Variants in KPNA1 observed in about 807,000 individuals in gnomAD.
The protein encoded by KPNA1 is karyopherin subunit alpha 1, also known as importin subunit alpha-5.
In KPNA1, 10 loss-of-function variants were observed where a neutral mutation model predicts 70.5. The observed-to-expected ratio is 0.14, with a 90% CI of 0.09 to 0.24. The LOEUF is 0.24. Among genes scored for constraint, KPNA1 ranks in the 10% least tolerant of loss-of-function variants. The probability of loss-of-function intolerance (pLI) is 1.00; values close to 1 mark genes in which losing one functional copy is unlikely to be tolerated. For missense variants in KPNA1, 397 were observed against 637.9 expected, an observed-to-expected ratio of 0.62 and a Z score of 4.07; for synonymous variants, 192 against 221.9, an observed-to-expected ratio of 0.87 and a Z score of 1.20.
At chr3:122,502,978 G>A (rs1400470822) in intron 1 of KPNA1, among the ~76,000 whole-genome samples, 2 of 152,000 alleles carry the variant, frequency 1.3e-5, no homozygotes, top group African/African-American at 4.8e-5. Context: ...GGCACCTGTG[G>A]TCCCAGCTAC....
intron 1 of KPNA1, among the ~76,000 whole-genome samples, chr3:122,505,274 CA>C (rs376502610): frequency 0.014 from 1,408 of 99,500 alleles, 10 homozygotes; most frequent in Middle Eastern, 0.026. Context: ...CTGCATGCCT[CA>C]AAAAAAAAAA....
At chr3:122,508,712 C>A (rs565854701) in intron 1 of KPNA1, among the ~76,000 whole-genome samples, 3 of 152,120 alleles carry the variant, frequency 2.0e-5, no homozygotes, top group South Asian at 4.2e-4. Context: ...CTCCACCCAC[C>A]ACAAAAAAAA....
In KPNA1 at chr3:122,423,690, T is replaced by C. The variant is rs1292161923; in HGVS notation, c.*3295A>G. 1 of 152,618 alleles carries C rather than the reference T, an allele frequency of 6.6e-6. No homozygotes were observed. Among genetic ancestry groups the C allele is most frequent in the Non-Finnish European group, 1.5e-5 (1 of 68,024 alleles). 9.5% of individuals were successfully genotyped at this position (152,618 alleles called of 1,614,324 possible). ...AAGTTGCCTGTGGGTAGACGTACAA[T>C]AGAATTGGTTGACAAAGTTTGGTTT... On this transcript the variant is annotated 3_prime_UTR_variant, in exon 14 of 14. Coordinates refer to ENST00000344337, the MANE Select transcript of KPNA1 (RefSeq NM_002264.4).
intron 2 of KPNA1, among the ~76,000 whole-genome samples, chr3:122,476,415 C>T (rs866215228): frequency 4.6e-5 from 7 of 151,784 alleles, no homozygotes; most frequent in Admixed American, 6.6e-5. Flanking sequence ...AAAAGCAGGG[C>T]GACAAATGGG....
intron 1 of KPNA1, among the ~76,000 whole-genome samples, chr3:122,500,875 T>C (rs1182421448): frequency 1.3e-5 from 2 of 151,798 alleles, no homozygotes; most frequent in Admixed American, 6.6e-5. Flanking sequence ...TAATGCTCTC[T>C]ATTGTTTTCC....
At chr3:122,497,937 G>C (rs1276874080) in intron 1 of KPNA1, among the ~76,000 whole-genome samples, 4 of 151,996 alleles carry the variant, frequency 2.6e-5, no homozygotes, top group Non-Finnish European at 5.9e-5. Context: ...GTTTTTTGCT[G>C]TTGTTGTTGT....
At chr3:122,435,201 C>A (rs1243695935) in intron 11 of KPNA1, among the ~76,000 whole-genome samples, 2 of 152,234 alleles carry the variant, frequency 1.3e-5, no homozygotes, top group East Asian at 3.9e-4. Flanking sequence ...CAAACACACA[C>A]ACACAAAATT....
rs537477074 is a variant in KPNA1 at position 122,503,860 on chromosome 3, G to T, written c.-5-7290C>A. ...CTGAGAGCTGTTTGAAAAAAAACAC[G>T]GGTATGATTCCAATTATATGACATT... On this transcript the variant is annotated intron_variant, in intron 1 of 13. Transcript: ENST00000344337. Among the ~76,000 whole-genome samples, 40 of 152,072 alleles carry T rather than the reference G, an allele frequency of 2.6e-4. No homozygotes were observed. In the East Asian group the frequency reaches 5.8e-3, roughly 22 times the overall value.
chr3:122,480,684 G>A (rs1355711740), intron 2 of KPNA1, among the ~76,000 whole-genome samples: 1 of 151,250 alleles, frequency 6.6e-6, no homozygotes, highest in Admixed American at 6.6e-5. Flanking sequence ...AAAAAAAAAA[G>A]TATTTTAAAA....
At chr3:122,453,744 C>G in intron 6 of KPNA1, 126 bp downstream of exon 6, 1 of 769,270 alleles carries the variant, frequency 1.3e-6, no homozygotes, top group Admixed American at 3.3e-5. Flanking sequence ...ACCATGTTGG[C>G]TAGGCTGGTC....
At position 122,437,260 on chromosome 3, in the gene KPNA1, C is replaced by G; in HGVS notation, c.1032G>C (p.Leu344Phe). Residue 344 changes from leucine (L) to phenylalanine (F), a missense_variant, in exon 11 of 14, where the codon TTG becomes TTC. By Grantham distance (22) the Leu-to-Phe change is conservative. Coordinates refer to ENST00000344337, the MANE Select transcript of KPNA1 (RefSeq NM_002264.4). ...ILNCSALQSL[L>F]HLLSSPKESI... ...ATTCCTTTGGGCTACTCAGCAAATG[C>G]AATAAACTCTGCAGAGCTGAGCAAT... 1.2e-6 allele frequency: 2 copies of G among 1,613,534 alleles called. No homozygotes were observed. Among genetic ancestry groups the G allele is most frequent in the South Asian group, 2.2e-5 (2 of 91,018 alleles).
chr3:122,448,401 T>A (rs1440746095), intron 9 of KPNA1, among the ~76,000 whole-genome samples: 1 of 152,172 alleles, frequency 6.6e-6, no homozygotes, highest in East Asian at 1.9e-4. Flanking sequence ...CACCACGGAA[T>A]ACTATGCAGC....
intron 12 of KPNA1, among the ~76,000 whole-genome samples, chr3:122,430,656 A>C (rs2075891729): frequency 6.6e-6 from 1 of 152,090 alleles, no homozygotes; most frequent in South Asian, 2.1e-4. Flanking sequence ...GACCCACACA[A>C]AAAGAATAGA....
chr3:122,433,564 A>T, intron 12 of KPNA1, 97 bp downstream of exon 12: 2 of 993,118 alleles, frequency 2.0e-6, no homozygotes, highest in Non-Finnish European at 2.9e-6. Flanking sequence ...AAAGGCAGCT[A>T]ATCTTTTACT....
At chr3:122,459,166 A>C (rs185523035) in intron 5 of KPNA1, among the ~76,000 whole-genome samples, 2,024 of 152,236 alleles carry the variant, frequency 0.013, 35 homozygotes, top group Non-Finnish European at 0.017. Context: ...AAAGATGTAG[A>C]ATGTCTTAGC....
At chr3:122,453,230 C>T (rs2076230662) in intron 6 of KPNA1, among the ~76,000 whole-genome samples, 2 of 152,190 alleles carry the variant, frequency 1.3e-5, no homozygotes, top group Admixed American at 6.5e-5. Context: ...AGGCAGGAAC[C>T]ACAGCACCTG....
chr3:122,509,765 T>C (rs2076935690), intron 1 of KPNA1, among the ~76,000 whole-genome samples: 1 of 152,204 alleles, frequency 6.6e-6, no homozygotes, highest in Admixed American at 6.5e-5. Flanking sequence ...CCTTGTACGA[T>C]CTGATGTGTG....
At chr3:122,470,525 C>CAAAT (rs202144154) in intron 2 of KPNA1, among the ~76,000 whole-genome samples, 1,935 of 150,152 alleles carry the variant, frequency 0.013, 20 homozygotes, top group African/African-American at 0.029. Context: ...AATAAATAAA[C>CAAAT]AAATAAATAA....
intron 5 of KPNA1, chr3:122,457,956 G>C (rs2076282683): frequency 1.0e-6 from 1 of 983,108 alleles, no homozygotes; most frequent in Admixed American, 3.4e-5. Context: ...AGGAAAGGCA[G>C]AGAGATCAAT....
Sources: allele counts gnomAD v4.1 joint callset (sites outside exome capture counted in the v4.1 genomes callset), GRCh38; gene constraint gnomAD v4.1.1; transcripts MANE v1.5; gene names NCBI Gene and HGNC (gene_info 2026-07-23, HGNC 2026-07-21).